Variants in CCSER1 observed in about 807,000 individuals in gnomAD.
CCSER1 encodes coiled-coil serine rich protein 1, also known as serine-rich coiled-coil domain-containing protein 1.
CCSER1 carries 41 observed loss-of-function variants against 82.0 expected under a neutral mutation model. The observed-to-expected ratio is 0.50, with a 90% CI of 0.39 to 0.65. The LOEUF (loss-of-function observed/expected upper bound fraction) is 0.65, where lower values mean the gene tolerates loss of function less well. Among genes scored for constraint, CCSER1 ranks in the 30% least tolerant of loss-of-function variants. The probability of loss-of-function intolerance (pLI) is 0.00; values close to 1 mark genes in which losing one functional copy is unlikely to be tolerated. For missense variants in CCSER1, 1,119 were observed against 1,064.2 expected (o/e 1.05, Z -0.72); for synonymous variants, 414 against 383.9 (o/e 1.08, Z -0.92).
intron 4 of CCSER1, among the ~76,000 whole-genome samples, chr4:90,458,819 A>C (rs1458267968): frequency 6.6e-6 from 1 of 152,240 alleles, no homozygotes; most frequent in African/African-American, 2.4e-5. Flanking sequence ...AGGACTTCAC[A>C]GACCTCCAGT....
chr4:90,491,919 C>T (rs1442679342), intron 5 of CCSER1, among the ~76,000 whole-genome samples: 1 of 152,090 alleles, frequency 6.6e-6, no homozygotes, highest in Non-Finnish European at 1.5e-5. Context: ...TTTGGTTTGC[C>T]AGTATTTTAT....
chr4:90,889,725 A>G (rs559258619), intron 8 of CCSER1, among the ~76,000 whole-genome samples: 8 of 152,290 alleles, frequency 5.3e-5, no homozygotes, highest in African/African-American at 1.9e-4. Context: ...TTTACATAGC[A>G]TGGATGATCC....
chr4:90,516,912 C>G (rs1410815027), intron 5 of CCSER1, among the ~76,000 whole-genome samples: 8 of 152,016 alleles, frequency 5.3e-5, no homozygotes, highest in Admixed American at 1.3e-4. Context: ...ATTGTAGAGG[C>G]AATTGCACAA....
Position 91,118,284 on chromosome 4 carries a change from C to CTTT in CCSER1, c.2217+32307_2217+32309dup, listed in dbSNP as rs1251894474. ...GAAGTAACAACTGTAGTTATGGAGA[C>CTTT]TTTTTTTTTTTTTTTTTTTGAGACG... On this transcript the variant is annotated intron_variant, in intron 10 of 10. Transcript: ENST00000509176. Among the ~76,000 whole-genome samples, 938 of 123,212 alleles carry CTTT rather than the reference C, an allele frequency of 7.6e-3. 17 individuals are homozygous for CTTT. Among genetic ancestry groups the CTTT allele is most frequent in the African/African-American group, 0.026 (882 of 33,394 alleles). 80.8% of individuals were successfully genotyped at this position (123,212 alleles called of 152,430 possible).
Position 91,155,251 on chromosome 4 carries a change from G to A in CCSER1, c.2217+69257G>A, listed in dbSNP as rs763131570. ...TAATTGAATTATAGGGGTAGATTTT[G>A]CCCATGCTGTTCTTGTGATACTGAA... On this transcript the variant is annotated intron_variant, in intron 10 of 10. Coordinates refer to ENST00000509176, the MANE Select transcript of CCSER1 (RefSeq NM_001145065.2). 2.5e-4 allele frequency among the ~76,000 whole-genome samples: 38 copies of A among 151,934 alleles called. 1 individual carries two copies. The highest frequency in any genetic ancestry group is 5.0e-4 in the Non-Finnish European group (34 of 67,846).
chr4:91,115,244 A>C (rs1365084856), intron 10 of CCSER1, among the ~76,000 whole-genome samples: 1 of 152,246 alleles, frequency 6.6e-6, no homozygotes, highest in Non-Finnish European at 1.5e-5. Context: ...ACTAAGTGAG[A>C]TCATTAGCAA....
chr4:91,463,005 A>G (rs887402643), intron 10 of CCSER1, among the ~76,000 whole-genome samples: 2 of 152,120 alleles, frequency 1.3e-5, no homozygotes, highest in Non-Finnish European at 2.9e-5. Flanking sequence ...CTTTGAAGAG[A>G]GTAGTGGTTC....
At chr4:90,226,775 C>T (rs1275889462) in intron 1 of CCSER1, among the ~76,000 whole-genome samples, 3 of 152,168 alleles carry the variant, frequency 2.0e-5, no homozygotes, top group South Asian at 2.1e-4. Flanking sequence ...ATGAGGAATA[C>T]AGATAGATGA....
chr4:91,254,674 A>G (rs1386093139), intron 10 of CCSER1, among the ~76,000 whole-genome samples: 1 of 152,166 alleles, frequency 6.6e-6, no homozygotes, highest in Non-Finnish European at 1.5e-5. Context: ...TGCATACTCA[A>G]AAGTGGTAAA....
intron 10 of CCSER1, among the ~76,000 whole-genome samples, chr4:91,134,840 C>A (rs544443035): frequency 1.5e-4 from 23 of 152,148 alleles, no homozygotes; most frequent in South Asian, 1.0e-3. Flanking sequence ...GGCAGACAGA[C>A]CACAAGGTCA....
chr4:90,743,238 GT>G (rs1469676879), intron 7 of CCSER1, among the ~76,000 whole-genome samples: 1 of 152,138 alleles, frequency 6.6e-6, no homozygotes, highest in Non-Finnish European at 1.5e-5. Context: ...TGTCCCTTTG[GT>G]TAGTGGCTGA....
intron 7 of CCSER1, among the ~76,000 whole-genome samples, chr4:90,758,991 C>A (rs1432850752): frequency 6.6e-6 from 1 of 152,130 alleles, no homozygotes; most frequent in African/African-American, 2.4e-5. Context: ...ACCCTATACA[C>A]TCCTTCCAGT....
intron 10 of CCSER1, among the ~76,000 whole-genome samples, chr4:91,306,073 G>GTA (rs1277918976): frequency 6.6e-6 from 1 of 150,838 alleles, no homozygotes; most frequent in Non-Finnish European, 1.5e-5. Flanking sequence ...GTGTGTGTGT[G>GTA]TGTGTGTGTG....
intron 8 of CCSER1, among the ~76,000 whole-genome samples, chr4:90,903,646 G>A (rs1054852049): frequency 1.3e-5 from 2 of 151,988 alleles, no homozygotes; most frequent in Non-Finnish European, 2.9e-5. Context: ...AGACTGTCAT[G>A]GTTCATTGAT....
chr4:90,555,089 C>T (rs961006813), intron 5 of CCSER1, among the ~76,000 whole-genome samples: 3 of 151,434 alleles, frequency 2.0e-5, no homozygotes, highest in African/African-American at 7.3e-5. Context: ...ATTTTTTGCT[C>T]AAAAATATGT....
At chr4:90,367,846 G>A (rs2153522414) in intron 3 of CCSER1, among the ~76,000 whole-genome samples, 1 of 151,736 alleles carries the variant, frequency 6.6e-6, no homozygotes, top group East Asian at 1.9e-4. Context: ...AGCATGCTTG[G>A]GGTCCCTGAA....
intron 10 of CCSER1, among the ~76,000 whole-genome samples, chr4:91,457,635 A>C (rs1360675179): frequency 6.6e-6 from 1 of 152,158 alleles, no homozygotes; most frequent in Non-Finnish European, 1.5e-5. Context: ...GTGCCACTGC[A>C]CTCAATCTTG....
chr4:91,084,796 G>A (rs1212042608), intron 9 of CCSER1, among the ~76,000 whole-genome samples: 1 of 151,994 alleles, frequency 6.6e-6, no homozygotes, highest in Non-Finnish European at 1.5e-5. Flanking sequence ...GAGTAGTAAA[G>A]CTACTGTTTA....
Position 90,429,671 on chromosome 4 carries a change from CAT to C in CCSER1, c.1603+29544_1603+29545del, listed in dbSNP as rs1228423986. ...TTAGTTGAGACTATATTTTAAGTGA[CAT>C]AAGCAGACAAAGACTTATAGTTCAG... is the stretch of plus-strand genomic sequence containing the variant. On this transcript the variant is annotated intron_variant, in intron 4 of 10. Transcript: ENST00000509176. Among the ~76,000 whole-genome samples the C allele has an allele frequency of 2.0e-5, 3 of 151,688 alleles. No individual in the cohort carries two copies. The East Asian group carries it at 5.8e-4, about 29-fold the overall frequency.
Sources: gnomAD v4.1 joint callset for allele counts (sites outside exome capture counted in the v4.1 genomes callset) on GRCh38, gnomAD v4.1.1 for gene constraint, MANE v1.5 for transcripts, NCBI Gene and HGNC (gene_info 2026-07-23, HGNC 2026-07-21) for gene names.